The following IST1 variants were observed in gnomAD, a reference collection of about 807,000 sequenced individuals.
IST1 encodes the protein IST1 factor associated with ESCRT-III.
In IST1, 23 loss-of-function variants were observed where a neutral mutation model predicts 37.0. The ratio of observed to expected loss-of-function variants is 0.62; its 90% CI spans 0.45 to 0.88. The LOEUF (loss-of-function observed/expected upper bound fraction) is 0.88, where lower values mean the gene tolerates loss of function less well. IST1 is among the 40% of genes least tolerant of loss of function. The probability of loss-of-function intolerance (pLI) is 0.00; values close to 1 mark genes in which losing one functional copy is unlikely to be tolerated. For synonymous variants in IST1, 180 were observed against 161.7 expected (o/e 1.11, Z -0.86); for missense variants, 488 against 445.4 (o/e 1.10, Z -0.86).
At chr16:71,924,014 A>G (rs929155595) in intron 8 of IST1, 2 of 420,598 alleles carry the variant, frequency 4.8e-6, no homozygotes, top group Non-Finnish European at 9.5e-6. Flanking sequence ...GGCATTTGCT[A>G]TGTAAATTAC....
rs77712195 is a variant in IST1, at chr16:71,922,685, GTATA to G, written c.759+10_759+13del. On this transcript the variant is annotated splice_donor_region_variant and intron_variant, in intron 7 of 9. Coordinates refer to ENST00000378799, the MANE Select transcript of IST1 (RefSeq NM_001270975.2). ...TATCCACTGCCAAAGGGACCAGTAA[GTATA>G]TATAAGTGTGGATGTAAGCTTTAGA... 233,014 of 1,536,356 alleles carry G rather than the reference GTATA, an allele frequency of 0.15. 22,534 individuals are homozygous for G. Among genetic ancestry groups the G allele is most frequent in the South Asian group, 0.39 (33,993 of 88,222 alleles).
chr16:71,905,195 C>T (rs776394498), intron 1 of IST1, among the ~76,000 whole-genome samples: 15 of 151,786 alleles, frequency 9.9e-5, no homozygotes, highest in Admixed American at 2.6e-4. Flanking sequence ...GCCATCACAC[C>T]GGGCTAATTT....
chr16:71,924,004 G>T (rs1180102608), intron 8 of IST1: 4 of 408,978 alleles, frequency 9.8e-6, no homozygotes, highest in African/African-American at 8.3e-5. Context: ...AAATTGGTGT[G>T]GCATTTGCTA....
chr16:71,918,637 C>T (rs968565332), intron 4 of IST1, among the ~76,000 whole-genome samples: 2 of 152,004 alleles, frequency 1.3e-5, no homozygotes, highest in African/African-American at 4.8e-5. Flanking sequence ...AGGCTGGTCT[C>T]GAACTCCTGA....
At chr16:71,914,964 A>C (rs898576348) in intron 1 of IST1, among the ~76,000 whole-genome samples, 3 of 152,190 alleles carry the variant, frequency 2.0e-5, no homozygotes, top group Non-Finnish European at 4.4e-5. Context: ...TCTGCTATTC[A>C]GTGAAATTCC....
Position 71,930,712 on chromosome 16 carries a change from CT to C in IST1, c.*2903del, listed in dbSNP as rs1185304203. On this transcript the variant is annotated 3_prime_UTR_variant, in exon 10 of 10. Transcript: ENST00000378799. ...AAGCATTGAGTTCTGCCATTCTTTA[CT>C]TTTCTGCATACATAAATATCAAGTT... 2.0e-5 allele frequency: 3 copies of C among 151,948 alleles called. No homozygotes were observed. The highest frequency in any genetic ancestry group is 2.9e-5 in the Non-Finnish European group (2 of 68,002). 9.4% of individuals were successfully genotyped at this position (151,948 alleles called of 1,614,324 possible).
chr16:71,921,513 A>G (rs1323925907), intron 6 of IST1, 60 bp downstream of exon 6: 2 of 912,282 alleles, frequency 2.2e-6, no homozygotes, highest in African/African-American at 3.2e-5. Flanking sequence ...TCTTTGGAAA[A>G]CAAAAAAAAC....
chr16:71,915,802 A>G, intron 2 of IST1, 74 bp downstream of exon 2: 2 of 852,200 alleles, frequency 2.3e-6, no homozygotes, highest in Non-Finnish European at 3.8e-6. Context: ...CTTTCAGGCC[A>G]GTACTATGAA....
intron 9 of IST1, 134 bp from the exon 10 acceptor site, chr16:71,927,480 C>CTTTTTTTTTTTTTTT: frequency 9.2e-6 from 6 of 649,988 alleles, no homozygotes; most frequent in Non-Finnish European, 1.6e-5. Flanking sequence ...CAGAGGGAGA[C>CTTTTTTTTTTTTTTT]TGTCTCAAAA....
At chr16:71,921,750 C>T (rs573523607) in intron 6 of IST1, 2 of 306,546 alleles carry the variant, frequency 6.5e-6, no homozygotes, top group East Asian at 7.4e-5. Flanking sequence ...AAGAAATGCC[C>T]CAAGACCCAA....
At chr16:71,920,271 A>G (rs144560089) in intron 4 of IST1, among the ~76,000 whole-genome samples, 1 of 152,380 alleles carries the variant, frequency 6.6e-6, no homozygotes, top group Admixed American at 6.5e-5. Context: ...TGGTTAAAGT[A>G]CAAGGACATA....
chr16:71,895,887 C>T (rs962299284), intron 1 of IST1, among the ~76,000 whole-genome samples: 2 of 152,340 alleles, frequency 1.3e-5, no homozygotes, highest in African/African-American at 4.8e-5. Context: ...TCTTCCTGCC[C>T]CGAGGTGTGT....
chr16:71,906,839 C>G (rs2037234583), intron 1 of IST1, among the ~76,000 whole-genome samples: 1 of 152,082 alleles, frequency 6.6e-6, no homozygotes, highest in African/African-American at 2.4e-5. Context: ...GTAGGTAATG[C>G]ATCGTTTTTC....
intron 1 of IST1, among the ~76,000 whole-genome samples, chr16:71,907,143 T>C (rs773075269): frequency 1.3e-5 from 2 of 152,030 alleles, no homozygotes; most frequent in Admixed American, 1.3e-4. Context: ...AGAGTTAATA[T>C]GTTTTGCTAA....
At chr16:71,916,688 G>T in intron 3 of IST1, 46 bp downstream of exon 3, 3 of 1,514,864 alleles carry the variant, frequency 2.0e-6, no homozygotes, top group Non-Finnish European at 2.7e-6. Flanking sequence ...TGGAATTTGA[G>T]AAAGGAGTAA....
chr16:71,921,664 G>A, intron 6 of IST1: 1 of 487,468 alleles, frequency 2.1e-6, no homozygotes, highest in South Asian at 2.8e-5. Context: ...TCAAAACCTT[G>A]ATACAAATGT....
chr16:71,927,709 GAC>G lies in IST1; in HGVS notation c.1002_1003del (p.Leu335ThrfsTer13). The G allele has an allele frequency of 6.2e-7, 1 of 1,613,874 alleles. No homozygotes were observed. The highest frequency in any genetic ancestry group is 1.1e-5 in the South Asian group (1 of 91,068). On this transcript the variant is annotated frameshift_variant, in exon 10 of 10. Transcript: ENST00000378799. LOFTEE classifies it high-confidence loss of function. Reference protein sequence around the residue: ...FVLPELPSVPDTLPTASAGAS... With the variant: ...FVLPELPSVPXTLPTASAGAS... ...CCTACCAGAGTTGCCATCTGTGCCAGACACACTACCAACTGCATCTGCTGGTG... is the reference window on the plus strand; with the variant it reads ...CCTACCAGAGTTGCCATCTGTGCCAGACACTACCAACTGCATCTGCTGGTG...
intron 1 of IST1, among the ~76,000 whole-genome samples, chr16:71,896,434 C>T (rs1020839884): frequency 6.6e-6 from 1 of 152,028 alleles, no homozygotes; most frequent in Non-Finnish European, 1.5e-5. Context: ...TGGAAAATTT[C>T]AAGCAGACAG....
At chr16:71,897,622 C>G (rs1251853782) in intron 1 of IST1, among the ~76,000 whole-genome samples, 1 of 152,110 alleles carries the variant, frequency 6.6e-6, no homozygotes, top group Non-Finnish European at 1.5e-5. Flanking sequence ...TACAGATGGT[C>G]AAAAGTTTGG....
Sources: gnomAD v4.1 joint callset for allele counts (sites outside exome capture counted in the v4.1 genomes callset) on GRCh38, gnomAD v4.1.1 for gene constraint, MANE v1.5 for transcripts, NCBI Gene and HGNC (gene_info 2026-07-23, HGNC 2026-07-21) for gene names.